Variants in MAPK10 observed in about 807,000 individuals in gnomAD.
MAPK10 encodes the protein JNK3 alpha protein kinase.
A neutral mutation model predicts 59.3 loss-of-function variants in MAPK10; 25 were observed. The observed-to-expected ratio is 0.42, with a 90% confidence interval of 0.31 to 0.59. MAPK10 has a LOEUF of 0.59. Ranked by LOEUF, MAPK10 falls within the 20% of genes least tolerant of loss-of-function variation. The pLI is 0.15. For missense variants in MAPK10, 351 were observed against 568.9 expected, an observed-to-expected ratio of 0.62 and a Z score of 3.90; for synonymous variants, 190 against 200.5, an observed-to-expected ratio of 0.95 and a Z score of 0.44.
intron 11 of MAPK10, among the ~76,000 whole-genome samples, chr4:86,034,993 T>C (rs576326641): frequency 6.6e-6 from 1 of 152,008 alleles, no homozygotes; most frequent in Admixed American, 6.5e-5. Flanking sequence ...TTTGTCACAG[T>C]AAAATAAAAC....
chr4:86,518,472 A>G (rs981297109), intron 1 of MAPK10, among the ~76,000 whole-genome samples: 5 of 152,042 alleles, frequency 3.3e-5, no homozygotes, highest in African/African-American at 9.7e-5. Flanking sequence ...CTCCCATTTC[A>G]TTTCTAATTC....
chr4:86,236,275 CATAAT>C (rs922708417), intron 2 of MAPK10, among the ~76,000 whole-genome samples: 5 of 152,130 alleles, frequency 3.3e-5, no homozygotes, highest in African/African-American at 1.2e-4. Context: ...CTTTTTATCA[CATAAT>C]ATAACATATT....
intron 2 of MAPK10, among the ~76,000 whole-genome samples, chr4:86,239,028 T>G (rs1234718022): frequency 6.6e-6 from 1 of 152,088 alleles, no homozygotes; most frequent in Non-Finnish European, 1.5e-5. Context: ...TCCATAGATA[T>G]CTAGTTTATT....
At chr4:86,282,798 A>G (rs2094859663) in intron 2 of MAPK10, among the ~76,000 whole-genome samples, 1 of 152,202 alleles carries the variant, frequency 6.6e-6, no homozygotes, top group Non-Finnish European at 1.5e-5. Flanking sequence ...AAATGGGAAC[A>G]TCCAAGAGGA....
intron 1 of MAPK10, among the ~76,000 whole-genome samples, chr4:86,368,126 T>A (rs1738204682): frequency 6.6e-6 from 1 of 152,172 alleles, no homozygotes; most frequent in Non-Finnish European, 1.5e-5. Flanking sequence ...CAGTTCCCAA[T>A]AAGGGTAAAC....
At chr4:86,505,500 G>T (rs1447991340) in intron 1 of MAPK10, among the ~76,000 whole-genome samples, 1 of 151,962 alleles carries the variant, frequency 6.6e-6, no homozygotes, top group Non-Finnish European at 1.5e-5. Context: ...GGAGGCTGAG[G>T]TGGTGTTTGA....
intron 2 of MAPK10, among the ~76,000 whole-genome samples, chr4:86,215,409 T>A (rs920738966): frequency 3.3e-5 from 5 of 152,134 alleles, no homozygotes; most frequent in African/African-American, 4.8e-5. Context: ...ATAGACAAAT[T>A]GGACTTCATA....
intron 2 of MAPK10, among the ~76,000 whole-genome samples, chr4:86,205,406 A>G (rs2149339805): frequency 6.6e-6 from 1 of 152,168 alleles, no homozygotes; most frequent in Non-Finnish European, 1.5e-5. Flanking sequence ...GAGAGATTTT[A>G]ACACATGTAA....
intron 2 of MAPK10, among the ~76,000 whole-genome samples, chr4:86,304,672 G>A (rs1396829709): frequency 7.9e-5 from 12 of 152,044 alleles, no homozygotes; most frequent in Admixed American, 6.6e-4. Context: ...GATTACAGGC[G>A]TGAGCCACCG....
chr4:86,330,076 C>A (rs114835757), intron 2 of MAPK10, among the ~76,000 whole-genome samples: 2,326 of 152,142 alleles, frequency 0.015, 28 homozygotes, highest in Middle Eastern at 0.027. Flanking sequence ...CACATGTGTC[C>A]GTATCCCTGA....
intron 1 of MAPK10, among the ~76,000 whole-genome samples, chr4:86,420,631 T>C (rs1045101170): frequency 1.3e-5 from 2 of 151,778 alleles, no homozygotes; most frequent in Non-Finnish European, 2.9e-5. Flanking sequence ...CTACAAAAAA[T>C]ACAAAATATT....
chr4:86,566,962 C>G (rs1430253789), intron 1 of MAPK10, among the ~76,000 whole-genome samples: 2 of 151,936 alleles, frequency 1.3e-5, no homozygotes, highest in African/African-American at 4.8e-5. Flanking sequence ...TCTTAGCTAC[C>G]CAGGCAGCTG....
intron 2 of MAPK10, among the ~76,000 whole-genome samples, chr4:86,260,726 G>T (rs952637782): frequency 2.6e-5 from 4 of 152,080 alleles, no homozygotes; most frequent in Non-Finnish European, 5.9e-5. Context: ...TTATAGGGAA[G>T]TCAGATTTTA....
intron 9 of MAPK10, 178 bp downstream of exon 9, chr4:86,098,346 C>A (rs2054620819): frequency 5.8e-6 from 4 of 694,416 alleles, no homozygotes; most frequent in Non-Finnish European, 8.2e-6. Flanking sequence ...TAAAAGAAAT[C>A]ATTGTGGTAG....
intron 2 of MAPK10, among the ~76,000 whole-genome samples, chr4:86,288,966 G>T (rs1445647281): frequency 1.3e-5 from 2 of 149,064 alleles, no homozygotes; most frequent in Non-Finnish European, 3.0e-5. Context: ...ATAGGCAACA[G>T]AAAGATAAAC....
chr4:86,287,725 C>A (rs2095071348), intron 2 of MAPK10, among the ~76,000 whole-genome samples: 1 of 152,114 alleles, frequency 6.6e-6, no homozygotes, highest in African/African-American at 2.4e-5. Context: ...CAATCACTAC[C>A]AGAAATAATT....
chr4:86,095,991 A>G (rs1488785202), intron 9 of MAPK10, among the ~76,000 whole-genome samples: 1 of 151,772 alleles, frequency 6.6e-6, no homozygotes, highest in Non-Finnish European at 1.5e-5. Flanking sequence ...AAGGCTTTCC[A>G]TTGTAGGTGT....
At chr4:86,367,334 CAG>C (rs1738057939) in intron 1 of MAPK10, among the ~76,000 whole-genome samples, 1 of 152,144 alleles carries the variant, frequency 6.6e-6, no homozygotes, top group South Asian at 2.1e-4. Context: ...TGCCTTCCCT[CAG>C]AGTCAGTCAT....
chr4:86,581,300 T>C (rs1039917835), intron 1 of MAPK10, among the ~76,000 whole-genome samples: 2 of 151,726 alleles, frequency 1.3e-5, no homozygotes, highest in African/African-American at 2.4e-5. Context: ...TCAGCTCTAT[T>C]CCCTAAAACA....
Sources: gnomAD v4.1 joint callset for allele counts (sites outside exome capture counted in the v4.1 genomes callset) on GRCh38, gnomAD v4.1.1 for gene constraint, MANE v1.5 for transcripts, NCBI Gene and HGNC (gene_info 2026-07-23, HGNC 2026-07-21) for gene names.